The following ZNF516 variants were observed in gnomAD, a reference collection of about 807,000 sequenced individuals.
ZNF516 encodes zinc finger protein 516.
A neutral mutation model predicts 79.7 loss-of-function variants in ZNF516; 19 were observed. The ratio of observed to expected loss-of-function variants is 0.24; its 90% CI spans 0.17 to 0.35. The LOEUF is 0.35. Ranked by LOEUF, ZNF516 falls within the 10% of genes least tolerant of loss-of-function variation. The pLI, the probability that ZNF516 is intolerant of heterozygous loss-of-function variation, is 1.00. For missense variants in ZNF516, 1,678 were observed against 1,679.5 expected, an observed-to-expected ratio of 1.00 and a Z score of 0.02; for synonymous variants, 877 against 739.5, an observed-to-expected ratio of 1.19 and a Z score of -3.02.
Position 76,470,137 on chromosome 18 carries a change from A to C in ZNF516, c.-271-6996T>G, listed in dbSNP as rs1299921121. 3.3e-5 allele frequency among the ~76,000 whole-genome samples: 5 copies of C among 152,298 alleles called. No homozygotes were observed. In the East Asian group the frequency reaches 7.7e-4, roughly 23 times the overall value. On this transcript the variant is annotated intron_variant, in intron 1 of 6. Transcript: ENST00000443185. ...CAAAACACATTTTTCTAGATGAGAG[A>C]GCCAGTTTTCACGTTCTCAGATTTG...
At chr18:76,453,476 C>T (rs1342478952) in intron 2 of ZNF516, among the ~76,000 whole-genome samples, 3 of 152,222 alleles carry the variant, frequency 2.0e-5, no homozygotes. Context: ...ACATCTTACA[C>T]TACAATAGTT....
Position 76,492,702 on chromosome 18 carries a change from G to C in ZNF516, c.-272+2442C>G, listed in dbSNP as rs901469608. ...AGGCCAGAGAAACCGCACGTTTCGA[G>C]TCCCCAGTTGCTGAGAAACAATCAC... On this transcript the variant is annotated intron_variant, in intron 1 of 6. Coordinates refer to ENST00000443185, the MANE Select transcript of ZNF516 (RefSeq NM_014643.4). 3.0e-6 allele frequency: 3 copies of C among 984,306 alleles called. No homozygotes were observed. The African/African-American group carries it at 5.2e-5, about 17-fold the overall frequency. 61.0% of individuals were successfully genotyped at this position (984,306 alleles called of 1,614,324 possible).
chr18:76,439,201 T>C (rs11660260), intron 3 of ZNF516, among the ~76,000 whole-genome samples: 1 of 152,296 alleles, frequency 6.6e-6, no homozygotes, highest in East Asian at 1.9e-4. Flanking sequence ...TGGAACACGG[T>C]CTCTCTCTCC....
chr18:76,362,097 G>A lies in ZNF516; in HGVS notation c.*401C>T, dbSNP rs963400606. ...GGCCCCTGTGACAGTGCTCAGCCTC[G>A]CCACTCTGTCCAACACACACAACAA... On this transcript the variant is annotated 3_prime_UTR_variant, in exon 7 of 7. Coordinates refer to ENST00000443185, the MANE Select transcript of ZNF516 (RefSeq NM_014643.4). The A allele has an allele frequency of 1.8e-5, 3 of 164,078 alleles. No individual in the cohort carries two copies. Among genetic ancestry groups the A allele is most frequent in the Non-Finnish European group, 4.0e-5 (3 of 75,304 alleles). The allele number at this position is 164,078 out of a possible 1,614,324, so 10.2% of individuals were successfully genotyped here.
intron 3 of ZNF516, among the ~76,000 whole-genome samples, chr18:76,403,782 T>C (rs1461984725): frequency 2.6e-5 from 4 of 152,338 alleles, no homozygotes; most frequent in South Asian, 4.1e-4. Context: ...CCTTCTCCTA[T>C]TGACAGATTT....
At chr18:76,421,096 C>T (rs570485041) in intron 3 of ZNF516, among the ~76,000 whole-genome samples, 29 of 152,326 alleles carry the variant, frequency 1.9e-4, no homozygotes, top group African/African-American at 6.5e-4. Context: ...GCCTCCTGCT[C>T]AAAGATCAAC....
chr18:76,472,129 CT>C (rs1913878731), intron 1 of ZNF516, among the ~76,000 whole-genome samples: 1 of 152,226 alleles, frequency 6.6e-6, no homozygotes, highest in Non-Finnish European at 1.5e-5. Flanking sequence ...CAGAAACCTC[CT>C]GCCGGTCCCT....
At chr18:76,375,213 C>A (rs1311067763) in intron 4 of ZNF516, among the ~76,000 whole-genome samples, 1 of 152,078 alleles carries the variant, frequency 6.6e-6, no homozygotes, top group Non-Finnish European at 1.5e-5. Context: ...ACTTTAAGGG[C>A]GTCAAAAACA....
In ZNF516 at chr18:76,441,956, C is replaced by G; in HGVS notation, c.1099G>C (p.Ala367Pro). The change falls in exon 3 of 7, where the codon GCC (alanine) becomes CCC (proline). Residue 367 changes from alanine to proline, a missense_variant. By Grantham distance (27) the Ala-to-Pro change is conservative. Coordinates refer to ENST00000443185, the MANE Select transcript of ZNF516 (RefSeq NM_014643.4). ...HRRVEASRTR[A>P]PAEEGAEGPS... ...CCCTCCGCCCCCTCCTCGGCCGGGG[C>G]GCGCGTGCGGCTGGCCTCGACTCTG... 1 of 1,612,014 alleles carries G rather than the reference C, an allele frequency of 6.2e-7. No individual in the cohort carries two copies. The highest frequency in any genetic ancestry group is 8.5e-7 in the Non-Finnish European group (1 of 1,179,562).
At chr18:76,408,025 G>T (rs1242481092) in intron 3 of ZNF516, among the ~76,000 whole-genome samples, 1 of 152,196 alleles carries the variant, frequency 6.6e-6, no homozygotes, top group Non-Finnish European at 1.5e-5. Context: ...TGTAGTTTTG[G>T]CACGCTAGAC....
At chr18:76,406,789 G>C (rs937068809) in intron 3 of ZNF516, among the ~76,000 whole-genome samples, 2 of 152,178 alleles carry the variant, frequency 1.3e-5, no homozygotes, top group Non-Finnish European at 2.9e-5. Flanking sequence ...ACAGCAGGAA[G>C]TCCCCACAGA....
chr18:76,396,915 T>C (rs145220512), intron 3 of ZNF516, among the ~76,000 whole-genome samples: 1 of 152,218 alleles, frequency 6.6e-6, no homozygotes, highest in East Asian at 1.9e-4. Context: ...AAACAAGACA[T>C]AAGCTGCCTG....
chr18:76,472,489 GCA>G (rs1302684276), intron 1 of ZNF516, among the ~76,000 whole-genome samples: 2 of 152,210 alleles, frequency 1.3e-5, no homozygotes, highest in African/African-American at 4.8e-5. Flanking sequence ...GTACACTCAG[GCA>G]CACTTACACA....
intron 3 of ZNF516, among the ~76,000 whole-genome samples, chr18:76,398,054 G>C (rs2089076609): frequency 6.6e-6 from 1 of 152,184 alleles, no homozygotes; most frequent in Admixed American, 6.5e-5. Flanking sequence ...ACAGCTTTCG[G>C]TTAAACAGCA....
In ZNF516 at chr18:76,380,384, C is replaced by T; in HGVS notation, c.1811-81G>A. On this transcript the variant is annotated intron_variant, in intron 3 of 6. Coordinates refer to ENST00000443185, the MANE Select transcript of ZNF516 (RefSeq NM_014643.4). Reference sequence around the variant, plus strand: ...AGACACACGGTGCGTACAGCTACAGCATGTTCCAAGCCATCTGTCTTCAGC... The same window carrying T: ...AGACACACGGTGCGTACAGCTACAGTATGTTCCAAGCCATCTGTCTTCAGC... 3.9e-6 allele frequency: 6 copies of T among 1,524,160 alleles called. No homozygotes were observed. In the South Asian group the frequency reaches 6.3e-5, roughly 16 times the overall value. 94.4% of individuals were successfully genotyped at this position (1,524,160 alleles called of 1,614,324 possible).
chr18:76,488,669 C>T (rs1231336484), intron 1 of ZNF516, among the ~76,000 whole-genome samples: 1 of 152,176 alleles, frequency 6.6e-6, no homozygotes, highest in Non-Finnish European at 1.5e-5. Flanking sequence ...AATATGACTT[C>T]CAAGTTCAAA....
chr18:76,387,042 C>T lies in ZNF516; in HGVS notation c.1811-6739G>A, dbSNP rs1236467753. On this transcript the variant is annotated intron_variant, in intron 3 of 6. Coordinates refer to ENST00000443185, the MANE Select transcript of ZNF516 (RefSeq NM_014643.4). ...GCTGCCCTGAGACCAGAACCCATCG[C>T]TGGAGTCCCTGCCACCTGGGCAGGA... The T allele has an allele frequency of 2.0e-5, 3 of 152,292 alleles. No homozygotes were observed. In the East Asian group the frequency reaches 5.8e-4, roughly 29 times the overall value. 9.4% of individuals were successfully genotyped at this position (152,292 alleles called of 1,614,324 possible). A position where few individuals can be genotyped will look rare whatever the true frequency, so the allele number is the denominator to read the frequency against.
chr18:76,371,376 T>C (rs1278031034), intron 5 of ZNF516, 91 bp downstream of exon 5: 2 of 1,303,016 alleles, frequency 1.5e-6, no homozygotes, highest in Non-Finnish European at 2.1e-6. Flanking sequence ...GAAATCTCAG[T>C]ATCTCCCTCG....
rs762296319 is a variant in ZNF516, at chr18:76,379,839, C to T, written c.2275G>A (p.Val759Ile). ...TASSLQAALV[V>I]HPCPYCSHKT... Reference sequence around the variant, plus strand: ...TGGCTGCAGTAAGGACACGGGTGAACGACTAAAGCCGCCTGCAGGGAGGAG... The same window carrying T: ...TGGCTGCAGTAAGGACACGGGTGAATGACTAAAGCCGCCTGCAGGGAGGAG... Residue 759 changes from valine (V) to isoleucine (I), a missense_variant, in exon 4 of 7, where the codon GTT (valine) becomes ATT (isoleucine). Transcript: ENST00000443185. 1.6e-5 allele frequency: 26 copies of T among 1,613,778 alleles called. No homozygotes were observed. The highest frequency in any genetic ancestry group is 7.7e-5 in the South Asian group (7 of 91,064).
Sources: gnomAD v4.1 joint callset for allele counts (sites outside exome capture counted in the v4.1 genomes callset) on GRCh38, gnomAD v4.1.1 for gene constraint, MANE v1.5 for transcripts, NCBI Gene and HGNC (gene_info 2026-07-23, HGNC 2026-07-21) for gene names.